Variants in LZTR1 observed in about 807,000 individuals in gnomAD.
LZTR1 encodes leucine zipper like post translational regulator 1.
Under a neutral mutation model 105.7 loss-of-function variants are expected in LZTR1, and 260 were observed. That is an observed-to-expected ratio of 2.46 (90% confidence interval 2.22 to 2.72). The LOEUF is 2.72. Among genes scored for constraint, LZTR1 ranks in the 30% most tolerant of loss-of-function variants. LZTR1 has a pLI of 0.00. For synonymous variants in LZTR1, 490 were observed against 476.4 expected (o/e 1.03, Z -0.37); for missense variants, 1,214 against 1,166.9 (o/e 1.04, Z -0.59).
intron 10 of LZTR1, 193 bp from the exon 11 acceptor site, chr22:20,992,601 G>A (rs972037080): frequency 1.6e-5 from 10 of 631,732 alleles, no homozygotes; most frequent in Admixed American, 2.9e-5. Flanking sequence ...TCCATGGCCC[G>A]TCATGCCCCA....
chr22:20,989,636 T>G lies in LZTR1; in HGVS notation c.605T>G (p.Met202Arg). The change falls in exon 7 of 21, where the codon ATG becomes AGG. Residue 202 changes from methionine (M) to arginine (R), a missense_variant. Physicochemically the swap from Met to Arg is moderately conservative, Grantham distance 91. Transcript: ENST00000646124. ...GYDGNARLND[M>R]WTIGLQDREL... is the part of the protein sequence containing the mutation. ...CTGTCCTAATACAGGTTGAATGACA[T>G]GTGGACAATTGGCCTCCAGGACCGA... 1 of 1,613,480 alleles carries G rather than the reference T, an allele frequency of 6.2e-7. No homozygotes were observed. The highest frequency in any genetic ancestry group is 8.5e-7 in the Non-Finnish European group (1 of 1,179,894).
At chr22:20,993,280 T>C in intron 11 of LZTR1, 1 of 427,208 alleles carries the variant, frequency 2.3e-6, no homozygotes. Flanking sequence ...GGGCAGGGAC[T>C]CACAGCCACA....
Position 20,985,858 on chromosome 22 carries a change from ACCT to A in LZTR1, c.285_287del (p.Leu96del). ...CCTTTCAGGAAGACCATGCTCAATG[ACCT>A]CCTGCGGTTCGATGTGAAAGACTGC... On this transcript the variant is annotated inframe_deletion, in exon 3 of 21. Coordinates refer to ENST00000646124, the MANE Select transcript of LZTR1 (RefSeq NM_006767.4). The A allele has an allele frequency of 6.2e-7, 1 of 1,614,008 alleles. No individual in the cohort carries two copies. Among genetic ancestry groups the A allele is most frequent in the South Asian group, 1.1e-5 (1 of 91,072 alleles).
intron 5 of LZTR1, 29 bp downstream of exon 5, chr22:20,988,147 C>A: frequency 3.4e-6 from 5 of 1,459,074 alleles, no homozygotes; most frequent in Non-Finnish European, 4.8e-6. Context: ...ACATTTGGGA[C>A]AGGCTGGGTC....
Position 20,997,504 on chromosome 22 carries a change from T to A in LZTR1, c.*156T>A. ...GCCTCCAAAGAGAGCTGAGGGGATGTGGGGCCCCAAACTCATTAATTCACT... is the reference window on the plus strand; with the variant it reads ...GCCTCCAAAGAGAGCTGAGGGGATGAGGGGCCCCAAACTCATTAATTCACT... On this transcript the variant is annotated 3_prime_UTR_variant, in exon 21 of 21. Coordinates refer to ENST00000646124, the MANE Select transcript of LZTR1 (RefSeq NM_006767.4). The A allele has an allele frequency of 1.6e-6, 1 of 623,256 alleles. No individual in the cohort carries two copies. Among genetic ancestry groups the A allele is most frequent in the Non-Finnish European group, 2.8e-6 (1 of 352,928 alleles). 38.6% of individuals were successfully genotyped at this position (623,256 alleles called of 1,614,324 possible).
At chr22:20,995,068 G>A (rs1332201798) in intron 16 of LZTR1, 42 bp downstream of exon 16, 7 of 1,574,290 alleles carry the variant, frequency 4.4e-6, no homozygotes. Flanking sequence ...TGGGAGGGAT[G>A]GTGTTCATCT....
At chr22:20,993,640 T>G (rs780312732) in intron 11 of LZTR1, 22 bp from the exon 12 acceptor site, 3 of 1,604,040 alleles carry the variant, frequency 1.9e-6, no homozygotes, top group Non-Finnish European at 2.6e-6. Flanking sequence ...CAACATCTAG[T>G]CTCACTGGGC....
At position 20,997,251 on chromosome 22, in the gene LZTR1, T is replaced by G. The variant is rs771094125; in HGVS notation, c.2426T>G (p.Leu809Arg). The change falls in exon 21 of 21, where the codon CTG becomes CGG. Residue 809 changes from leucine to arginine, a missense_variant. Transcript: ENST00000646124. ...QFTKVSKLPT[L>R]RSLSQQLLLD... ...TTACAGGTCTCCAAGTTGCCCACCCTGCGGTCGCTGAGCCAGCAGCTGCTG... is the reference window on the plus strand; with the variant it reads ...TTACAGGTCTCCAAGTTGCCCACCCGGCGGTCGCTGAGCCAGCAGCTGCTG... The G allele has an allele frequency of 1.2e-6, 2 of 1,613,538 alleles. No homozygotes were observed. The highest frequency in any genetic ancestry group is 8.5e-7 in the Non-Finnish European group (1 of 1,179,730).
In LZTR1 at chr22:20,995,029, A is replaced by G. The variant is rs763690028; in HGVS notation, c.1942+3A>G. ...CTTGGACCAGCCAGTGGACATTGGT[A>G]GGGAGCCCCGTTCCCCTTCCCTGGG... On this transcript the variant is annotated splice_donor_region_variant and intron_variant, in intron 16 of 20. Coordinates refer to ENST00000646124, the MANE Select transcript of LZTR1 (RefSeq NM_006767.4). 75 of 1,604,544 alleles carry G rather than the reference A, an allele frequency of 4.7e-5. No individual in the cohort carries two copies. The highest frequency in any genetic ancestry group is 5.6e-5 in the Non-Finnish European group (66 of 1,175,220).
rs999387072 is a variant in LZTR1 at position 20,983,103 on chromosome 22, A to G, written c.263+14A>G. ...TGGAGACAATGGGTGAGTGAGTCTC[A>G]GCATCAGTGTTTGGACCAGGTAGGG... is the stretch of plus-strand genomic sequence containing the variant. On this transcript the variant is annotated intron_variant, in intron 2 of 20. Transcript: ENST00000646124. 1 of 1,611,660 alleles carries G rather than the reference A, an allele frequency of 6.2e-7. No homozygotes were observed. The highest frequency in any genetic ancestry group is 8.5e-7 in the Non-Finnish European group (1 of 1,177,802).
At position 20,988,135 on chromosome 22, in the gene LZTR1, A is replaced by T. The variant is rs1398093012; in HGVS notation, c.509+17A>T. 1.3e-6 allele frequency: 2 copies of T among 1,543,838 alleles called. No individual in the cohort carries two copies. Among genetic ancestry groups the T allele is most frequent in the Non-Finnish European group, 1.8e-6 (2 of 1,116,364 alleles). On this transcript the variant is annotated intron_variant, in intron 5 of 20. Coordinates refer to ENST00000646124, the MANE Select transcript of LZTR1 (RefSeq NM_006767.4). ...TGAAGGACGGTGAGAAACTTTGCAG[A>T]AACATTTGGGACAGGCTGGGTCCTG...
chr22:20,995,124 G>T, intron 16 of LZTR1, 98 bp downstream of exon 16: 1 of 1,351,738 alleles, frequency 7.4e-7, no homozygotes, highest in Non-Finnish European at 1.0e-6. Context: ...CAGGCCCTCG[G>T]GGTGGGGGTG....
chr22:20,988,184 C>G, intron 5 of LZTR1, 66 bp downstream of exon 5: 1 of 997,922 alleles, frequency 1.0e-6, no homozygotes, highest in Non-Finnish European at 1.6e-6. Context: ...CTGGGATCTG[C>G]CCCCTTTTGC....
rs1011228133 is a variant in LZTR1 at position 20,990,270 on chromosome 22, A to G, written c.652-116A>G. On this transcript the variant is annotated intron_variant, in intron 7 of 20. Coordinates refer to ENST00000646124, the MANE Select transcript of LZTR1 (RefSeq NM_006767.4). ...TGTTCCAAGACAAAGGAATCTGTGAATCCTCATCTGGGGAAGTTTCAAGAA... is the reference window on the plus strand; with the variant it reads ...TGTTCCAAGACAAAGGAATCTGTGAGTCCTCATCTGGGGAAGTTTCAAGAA... The G allele has an allele frequency of 3.5e-5, 41 of 1,173,706 alleles. No individual in the cohort carries two copies. The highest frequency in any genetic ancestry group is 5.0e-5 in the Non-Finnish European group (40 of 797,036). 72.7% of individuals were successfully genotyped at this position (1,173,706 alleles called of 1,614,324 possible). A position where few individuals can be genotyped will look rare whatever the true frequency, so the allele number is the denominator to read the frequency against.
In LZTR1 at chr22:20,985,100, A is replaced by G. The variant is rs993938615; in HGVS notation, c.264-741A>G. On this transcript the variant is annotated intron_variant, in intron 2 of 20. Transcript: ENST00000646124. ...TTTTGAGATGGAGTCTTGCTCTGTC[A>G]CCCAGGCTGGTGTTCAGTGGCGCCA... Among the ~76,000 whole-genome samples, 182 of 133,980 alleles carry G rather than the reference A, an allele frequency of 1.4e-3. 1 individual carries two copies. The highest frequency in any genetic ancestry group is 5.2e-3 in the African/African-American group (180 of 34,294). 87.9% of individuals were successfully genotyped at this position (133,980 alleles called of 152,430 possible). A position where few individuals can be genotyped will look rare whatever the true frequency, so the allele number is the denominator to read the frequency against.
rs1453114200 is a variant in LZTR1, at chr22:20,991,799, G to C, written c.963G>C (p.Trp321Cys). Residue 321 changes from tryptophan (W) to cysteine (C), a missense_variant, in exon 9 of 21, where the codon TGG becomes TGC. Coordinates refer to ENST00000646124, the MANE Select transcript of LZTR1 (RefSeq NM_006767.4). ...LHCYDVDFQTWEVVQPSSDSE... is the reference protein window; with the variant it reads ...LHCYDVDFQTCEVVQPSSDSE... ...GCTATGACGTGGACTTCCAGACCTG[G>C]GAGGTCGTCCAGCCCAGCTCCGACA... is the stretch of plus-strand genomic sequence containing the variant. 1 of 1,551,500 alleles carries C rather than the reference G, an allele frequency of 6.4e-7. No individual in the cohort carries two copies. Among genetic ancestry groups the C allele is most frequent in the African/African-American group, 1.4e-5 (1 of 73,126 alleles).
At chr22:20,997,115 C>T in intron 20 of LZTR1, 117 bp from the exon 21 acceptor site, 1 of 1,124,268 alleles carries the variant, frequency 8.9e-7, no homozygotes, top group Admixed American at 1.8e-5. Flanking sequence ...CCGCACCTTG[C>T]TTCATCCTTG....
intron 2 of LZTR1, among the ~76,000 whole-genome samples, chr22:20,984,623 G>C (rs923823772): frequency 1.1e-5 from 1 of 90,356 alleles, no homozygotes; most frequent in Non-Finnish European, 2.6e-5. Context: ...AGGGGGGGGG[G>C]GCGGTATCAC....
At chr22:20,993,896 C>T (rs551465792) in intron 12 of LZTR1, 28 bp from the exon 13 acceptor site, 2 of 1,603,382 alleles carry the variant, frequency 1.2e-6, no homozygotes, top group African/African-American at 1.3e-5. Flanking sequence ...GTCCTGTGCC[C>T]TCTGCCAGTG....
Sources: allele counts gnomAD v4.1 joint callset (sites outside exome capture counted in the v4.1 genomes callset), GRCh38; gene constraint gnomAD v4.1.1; transcripts MANE v1.5; gene names NCBI Gene and HGNC (gene_info 2026-07-23, HGNC 2026-07-21).